Variants in TCERG1L observed in about 807,000 individuals in gnomAD.
TCERG1L encodes transcription elongation regulator 1-like protein.
TCERG1L carries 37 observed loss-of-function variants against 56.3 expected under a neutral mutation model. The observed-to-expected ratio is 0.66, with a 90% confidence interval of 0.51 to 0.87. The LOEUF (loss-of-function observed/expected upper bound fraction) is 0.87. Among genes scored for constraint, TCERG1L ranks in the 40% least tolerant of loss-of-function variants. TCERG1L has a pLI of 0.00. For synonymous variants in TCERG1L, 324 were observed against 326.3 expected (o/e 0.99, Z 0.08); for missense variants, 799 against 774.2 (o/e 1.03, Z -0.38).
intron 4 of TCERG1L, among the ~76,000 whole-genome samples, chr10:131,189,395 C>G (rs1421880220): frequency 6.6e-6 from 1 of 152,200 alleles, no homozygotes; most frequent in Non-Finnish European, 1.5e-5. Context: ...GTGTACACAT[C>G]ATTTAGCTTC....
At position 131,294,029 on chromosome 10, in the gene TCERG1L, T is replaced by C. The variant is rs148111352; in HGVS notation, c.670+14182A>G. ...TTCCTGAGTGTACTTCCTGGTGTTATGTAGAATCTCATTTTTTACTTTTTT... is the reference window on the plus strand; with the variant it reads ...TTCCTGAGTGTACTTCCTGGTGTTACGTAGAATCTCATTTTTTACTTTTTT... On this transcript the variant is annotated intron_variant, in intron 3 of 11. Coordinates refer to ENST00000368642, the MANE Select transcript of TCERG1L (RefSeq NM_174937.4). Among the ~76,000 whole-genome samples, 1,462 of 152,320 alleles carry C rather than the reference T, an allele frequency of 9.6e-3. 14 individuals carry two copies. Among genetic ancestry groups the C allele is most frequent in the Non-Finnish European group, 0.014 (932 of 68,038 alleles).
chr10:131,285,521 AAAGAGAG>A (rs745462775), intron 3 of TCERG1L, among the ~76,000 whole-genome samples: 10,569 of 33,956 alleles, frequency 0.31, 1,024 homozygotes, highest in South Asian at 0.44. Flanking sequence ...AGAAAGAAAG[AAAGAGAG>A]AAAGAAAAGA....
chr10:131,198,104 T>C (rs1845387417), intron 4 of TCERG1L, among the ~76,000 whole-genome samples: 1 of 152,268 alleles, frequency 6.6e-6, no homozygotes, highest in Non-Finnish European at 1.5e-5. Flanking sequence ...TGTGGCGACA[T>C]GCCCATGGGT....
intron 4 of TCERG1L, among the ~76,000 whole-genome samples, chr10:131,250,710 G>C (rs932668702): frequency 2.0e-5 from 3 of 152,098 alleles, no homozygotes; most frequent in African/African-American, 7.2e-5. Context: ...CTTCCTCCTA[G>C]CCCGGGAGCC....
chr10:131,250,518 A>G (rs1255327514), intron 4 of TCERG1L, among the ~76,000 whole-genome samples: 1 of 135,698 alleles, frequency 7.4e-6, no homozygotes, highest in African/African-American at 2.9e-5. Flanking sequence ...GGGGAATCTC[A>G]TTCCACGAAC....
chr10:131,185,750 A>G (rs550269382), intron 4 of TCERG1L, among the ~76,000 whole-genome samples: 8 of 152,308 alleles, frequency 5.3e-5, no homozygotes. Flanking sequence ...AAGTATTGAG[A>G]GTACAGTGAA....
chr10:131,166,665 T>C (rs1028766783), intron 5 of TCERG1L, 132 bp downstream of exon 5: 84 of 896,330 alleles, frequency 9.4e-5, no homozygotes, highest in Non-Finnish European at 1.2e-4. Flanking sequence ...TGCCAGGTCC[T>C]GCTGCTTCAC....
At chr10:131,275,103 T>A (rs1363565668) in intron 3 of TCERG1L, among the ~76,000 whole-genome samples, 2 of 152,230 alleles carry the variant, frequency 1.3e-5, no homozygotes. Flanking sequence ...AGGTTCACCC[T>A]GTCCCTCCAC....
intron 4 of TCERG1L, among the ~76,000 whole-genome samples, chr10:131,196,072 C>A (rs7084141): frequency 0.39 from 58,718 of 152,178 alleles, 11,477 homozygotes; most frequent in East Asian, 0.48. Flanking sequence ...AGCAGCCCCA[C>A]TGAATGTCAG....
chr10:131,162,814 T>C (rs1178527580), intron 6 of TCERG1L: 1 of 243,882 alleles, frequency 4.1e-6, no homozygotes, highest in Non-Finnish European at 7.8e-6. Context: ...AACAGATCTT[T>C]TGAAGCATAA....
chr10:131,139,555 T>C (rs904849678), intron 7 of TCERG1L, among the ~76,000 whole-genome samples: 36 of 152,212 alleles, frequency 2.4e-4, no homozygotes, highest in Non-Finnish European at 1.5e-4. Context: ...CATGTCAATC[T>C]CTAACATGTT....
rs1057228189 is a variant in TCERG1L, at chr10:131,118,202, C to T, written c.1260-1268G>A. ...CAGCCAGCAATCATGAAGAGCAGTC[C>T]GCTCACAAGCAGTGGCTTAGGGCCT... On this transcript the variant is annotated intron_variant, in intron 8 of 11. Coordinates refer to ENST00000368642, the MANE Select transcript of TCERG1L (RefSeq NM_174937.4). The surrounding 1 kb of genome is among the most constrained non-coding windows in gnomAD (Gnocchi z 4.2). Among the ~76,000 whole-genome samples, 5 of 152,188 alleles carry T rather than the reference C, an allele frequency of 3.3e-5. No individual in the cohort carries two copies. Among genetic ancestry groups the T allele is most frequent in the Non-Finnish European group, 4.4e-5 (3 of 68,036 alleles).
intron 4 of TCERG1L, among the ~76,000 whole-genome samples, chr10:131,202,380 G>A (rs1564813793): frequency 3.3e-5 from 5 of 152,148 alleles, no homozygotes; most frequent in Admixed American, 2.6e-4. Flanking sequence ...TCAGGAGTCC[G>A]AGACCAGTCT....
chr10:131,268,107 T>C (rs1007605501), intron 3 of TCERG1L, among the ~76,000 whole-genome samples: 8 of 152,120 alleles, frequency 5.3e-5, no homozygotes, highest in African/African-American at 1.9e-4. Flanking sequence ...CCCTGCTCCA[T>C]AGCCGGCCTT....
intron 1 of TCERG1L, among the ~76,000 whole-genome samples, chr10:131,309,846 A>AAAAAC (rs1408457291): frequency 2.0e-5 from 3 of 149,286 alleles, no homozygotes; most frequent in African/African-American, 4.9e-5. Context: ...AAAAAAAAAA[A>AAAAAC]AAAAAAAAAA....
intron 4 of TCERG1L, among the ~76,000 whole-genome samples, chr10:131,247,220 A>G (rs553563151): frequency 6.6e-6 from 1 of 152,302 alleles, no homozygotes; most frequent in African/African-American, 2.4e-5. Context: ...TGCTGTGCCT[A>G]CTCAAAGGTA....
At chr10:131,270,274 G>T (rs988620664) in intron 3 of TCERG1L, among the ~76,000 whole-genome samples, 1 of 152,230 alleles carries the variant, frequency 6.6e-6, no homozygotes, top group Non-Finnish European at 1.5e-5. Flanking sequence ...AGAGCCTGGG[G>T]ACGCTAGCTG....
At chr10:131,181,051 G>A (rs1319320391) in intron 4 of TCERG1L, among the ~76,000 whole-genome samples, 2 of 152,166 alleles carry the variant, frequency 1.3e-5, no homozygotes, top group Non-Finnish European at 2.9e-5. Flanking sequence ...CTCAGGCAGG[G>A]AAGGGCACAA....
intron 6 of TCERG1L, among the ~76,000 whole-genome samples, chr10:131,157,278 T>C (rs1845933780): frequency 6.6e-6 from 1 of 152,160 alleles, no homozygotes; most frequent in African/African-American, 2.4e-5. Flanking sequence ...ACATAAAACC[T>C]GCACTGTAGC....
Sources: gnomAD v4.1 joint callset for allele counts (sites outside exome capture counted in the v4.1 genomes callset) on GRCh38, gnomAD v4.1.1 for gene constraint, Gnocchi (gnomAD v3.1) non-coding constraint, MANE v1.5 for transcripts, NCBI Gene and HGNC (gene_info 2026-07-23, HGNC 2026-07-21) for gene names.